DST: variants seen among roughly 807,000 people sequenced by gnomAD.
DST encodes the protein dystonin.
A neutral mutation model predicts 875.2 loss-of-function variants in DST; 253 were observed. That is an observed-to-expected ratio of 0.29 (90% CI 0.26 to 0.32). DST has a LOEUF of 0.32. Ranked by LOEUF, DST falls within the 10% of genes least tolerant of loss-of-function variation. The pLI is 1.00. For synonymous variants in DST, 3,124 were observed against 3,197.1 expected (o/e 0.98, Z 0.77); for missense variants, 8,287 against 9,111.6 (o/e 0.91, Z 3.68).
At chr6:56,827,761 C>T (rs2099782491) in intron 4 of DST, among the ~76,000 whole-genome samples, 2 of 152,150 alleles carry the variant, frequency 1.3e-5, no homozygotes, top group Non-Finnish European at 2.9e-5. Context: ...AGAAATAGAA[C>T]TAAGCAGGGG....
At chr6:56,798,179 A>C (rs1360250129) in intron 4 of DST, among the ~76,000 whole-genome samples, 1 of 152,214 alleles carries the variant, frequency 6.6e-6, no homozygotes, top group Non-Finnish European at 1.5e-5. Context: ...TGTGGACAAA[A>C]CAGTCTTCCA....
At chr6:56,888,067 C>T (rs1785480302) in intron 3 of DST, among the ~76,000 whole-genome samples, 2 of 151,760 alleles carry the variant, frequency 1.3e-5, no homozygotes, top group African/African-American at 4.8e-5. Flanking sequence ...TCTCCTGCCT[C>T]AGCCTCCCAA....
chr6:56,615,788 T>C (rs1287924094), intron 36 of DST: 1 of 1,614,188 alleles, frequency 6.2e-7, no homozygotes. Context: ...TCCTGTCAAG[T>C]ACTGAAATTC....
intron 59 of DST, among the ~76,000 whole-genome samples, chr6:56,556,587 A>G (rs1055016107): frequency 1.3e-5 from 2 of 152,174 alleles, no homozygotes; most frequent in Admixed American, 1.3e-4. Context: ...GAATTCAAAC[A>G]TCTGACTTTT....
intron 4 of DST, among the ~76,000 whole-genome samples, chr6:56,848,773 G>A (rs1174385423): frequency 2.6e-5 from 4 of 152,102 alleles, no homozygotes; most frequent in Admixed American, 2.0e-4. Context: ...GGTGGCTCAC[G>A]CCTGTAATCC....
intron 4 of DST, among the ~76,000 whole-genome samples, chr6:56,811,886 G>A (rs1383632778): frequency 6.6e-6 from 1 of 152,076 alleles, no homozygotes; most frequent in East Asian, 1.9e-4. Flanking sequence ...CTTGAGGCCA[G>A]GAGTTTGAGA....
intron 9 of DST, chr6:56,693,523 T>A: frequency 4.3e-6 from 2 of 468,066 alleles, no homozygotes; most frequent in Non-Finnish European, 5.6e-6. Flanking sequence ...GCAGATACAC[T>A]AATGAAGTTT....
In DST at chr6:56,471,207, T is replaced by C; in HGVS notation, c.22220A>G (p.Asn7407Ser). The C allele has an allele frequency of 1.2e-6, 2 of 1,604,212 alleles. 1 individual carries two copies. The highest frequency in any genetic ancestry group is 1.7e-6 in the Non-Finnish European group (2 of 1,174,530). Residue 7407 changes from asparagine (N) to serine (S), a missense_variant, in exon 95 of 104, where the codon AAT becomes AGT. Transcript: ENST00000680361. ...IWRKKYMRWM[N>S]HKKSRVMDFF... is the part of the protein sequence containing the mutation. ...GTCCATCACTCGAGATTTCTTGTGA[T>C]TCATCCATCGCATGTATTTTTTGCG... is the stretch of plus-strand genomic sequence containing the variant.
intron 3 of DST, among the ~76,000 whole-genome samples, chr6:56,895,146 C>T (rs1412254379): frequency 4.9e-5 from 4 of 80,958 alleles, no homozygotes; most frequent in South Asian, 3.5e-4. Flanking sequence ...GGAGGCTGGC[C>T]GGGCGGGGGG....
chr6:56,830,240 G>T (rs1215171047), intron 4 of DST, among the ~76,000 whole-genome samples: 3 of 152,044 alleles, frequency 2.0e-5, no homozygotes, highest in South Asian at 2.1e-4. Context: ...TCATGAAAAT[G>T]GTTTGAAATG....
chr6:56,757,538 G>C (rs964622059), intron 4 of DST, among the ~76,000 whole-genome samples: 1 of 152,178 alleles, frequency 6.6e-6, no homozygotes, highest in South Asian at 2.1e-4. Flanking sequence ...CCCTGATTCT[G>C]ATGGGGACAC....
At position 56,503,594 on chromosome 6, in the gene DST, TACACAC is replaced by T. The variant is rs10637850; in HGVS notation, c.19566+397_19566+402del. 7.0e-3 allele frequency among the ~76,000 whole-genome samples: 987 copies of T among 140,910 alleles called. 5 individuals carry two copies. Among genetic ancestry groups the T allele is most frequent in the Middle Eastern group, 0.021 (6 of 284 alleles). 92.4% of individuals were successfully genotyped at this position (140,910 alleles called of 152,430 possible). ...ATACATCTCTCTCTCTACCTATACA[TACACAC>T]ACACACACACACACACACACACACA... is the stretch of plus-strand genomic sequence containing the variant. On this transcript the variant is annotated intron_variant, in intron 78 of 103. Coordinates refer to ENST00000680361, the MANE Select transcript of DST (RefSeq NM_001374736.1).
At chr6:56,891,849 T>G (rs1787712339) in intron 3 of DST, among the ~76,000 whole-genome samples, 1 of 152,172 alleles carries the variant, frequency 6.6e-6, no homozygotes, top group African/African-American at 2.4e-5. Context: ...TCAGAATGGT[T>G]TTTTGCCCAT....
chr6:56,941,249 A>G (rs1204521476), intron 2 of DST, among the ~76,000 whole-genome samples: 5 of 152,124 alleles, frequency 3.3e-5, no homozygotes, highest in Non-Finnish European at 7.4e-5. Context: ...TGTTTTCATT[A>G]TCATTTAGTT....
In DST at chr6:56,632,908, C is replaced by T. The variant is rs1286915169; in HGVS notation, c.3751G>A (p.Glu1251Lys). 1.9e-6 allele frequency: 3 copies of T among 1,613,850 alleles called. No individual in the cohort carries two copies. The highest frequency in any genetic ancestry group is 1.7e-5 in the Admixed American group (1 of 60,004). ...SGSDITQLEK[E>K]VNVCKQYYQE... ...TAATACTGCTTACATACATTAACCT[C>T]CTTTTCCAGTTGTGTTATATCTGAG... Residue 1251 changes from glutamate to lysine, a missense_variant, in exon 28 of 104, where the codon GAG becomes AAG. By Grantham distance (56) the Glu-to-Lys change is moderately conservative (BLOSUM62 1). Around this residue, in one of 10 missense-constraint regions of DST, gnomAD observed 3,138 missense variants for 3,116.6 expected, o/e 1.01. Coordinates refer to ENST00000680361, the MANE Select transcript of DST (RefSeq NM_001374736.1).
At chr6:56,664,625 T>C (rs1417971789) in intron 10 of DST, among the ~76,000 whole-genome samples, 2 of 152,210 alleles carry the variant, frequency 1.3e-5, no homozygotes, top group Non-Finnish European at 2.9e-5. Flanking sequence ...ACACACCAGA[T>C]GTTTTTGTGA....
At chr6:56,646,645 G>C (rs1369448193) in intron 13 of DST, among the ~76,000 whole-genome samples, 1 of 151,964 alleles carries the variant, frequency 6.6e-6, no homozygotes, top group Non-Finnish European at 1.5e-5. Flanking sequence ...TTAGCAGAAA[G>C]GGCTAAAATT....
intron 98 of DST, chr6:56,467,560 G>A (rs1458695638): frequency 6.6e-6 from 1 of 152,048 alleles, no homozygotes; most frequent in Non-Finnish European, 1.5e-5. Flanking sequence ...AAAAATTGGT[G>A]CCGCTAATAA....
intron 4 of DST, among the ~76,000 whole-genome samples, chr6:56,849,466 C>G (rs1324130799): frequency 2.0e-5 from 3 of 152,050 alleles, no homozygotes; most frequent in Non-Finnish European, 4.4e-5. Context: ...TTTTGAGATC[C>G]CCAGTGCATC....
Sources: allele counts gnomAD v4.1 joint callset (sites outside exome capture counted in the v4.1 genomes callset), GRCh38; gene constraint gnomAD v4.1.1; regional missense constraint gnomAD v4.1.1; transcripts MANE v1.5; gene names NCBI Gene and HGNC (gene_info 2026-07-23, HGNC 2026-07-21).